The following SYNJ2BP variants were observed in gnomAD, a reference collection of about 807,000 sequenced individuals.
The protein encoded by SYNJ2BP is synaptojanin-2-binding protein.
SYNJ2BP carries 10 observed loss-of-function variants against 16.9 expected under a neutral mutation model. The observed-to-expected ratio is 0.59, with a 90% CI of 0.36 to 1.00. SYNJ2BP has a LOEUF of 1.00. SYNJ2BP is among the 50% of genes least tolerant of loss of function. SYNJ2BP has a pLI of 0.01. For missense variants in SYNJ2BP, 162 were observed against 186.7 expected, an observed-to-expected ratio of 0.87 and a Z score of 0.77; for synonymous variants, 54 against 68.4, an observed-to-expected ratio of 0.79 and a Z score of 1.04.
At chr14:70,381,443 T>C (rs1887748419) in intron 2 of SYNJ2BP, among the ~76,000 whole-genome samples, 1 of 152,196 alleles carries the variant, frequency 6.6e-6, no homozygotes, top group African/African-American at 2.4e-5. Context: ...CCCTAAAACA[T>C]GTCATGATTA....
chr14:70,389,373 CTTTTT>C (rs752623860), intron 1 of SYNJ2BP, among the ~76,000 whole-genome samples: 2 of 94,964 alleles, frequency 2.1e-5, no homozygotes, highest in African/African-American at 6.3e-5. Context: ...TTGAGAGTTT[CTTTTT>C]TTTTTTTTTT....
chr14:70,378,212 C>T (rs990561166), intron 2 of SYNJ2BP, among the ~76,000 whole-genome samples: 1 of 152,142 alleles, frequency 6.6e-6, no homozygotes, highest in African/African-American at 2.4e-5. Context: ...TTCTCTCCCA[C>T]TGTGAGCTTT....
At chr14:70,400,064 A>C (rs1421868829) in intron 1 of SYNJ2BP, among the ~76,000 whole-genome samples, 4 of 152,220 alleles carry the variant, frequency 2.6e-5, no homozygotes, top group Admixed American at 2.6e-4. Flanking sequence ...TTCCAAGCAA[A>C]AAGTCAAAAA....
intron 1 of SYNJ2BP, among the ~76,000 whole-genome samples, chr14:70,400,525 A>C (rs1284344146): frequency 1.3e-5 from 2 of 152,176 alleles, no homozygotes; most frequent in Admixed American, 6.5e-5. Context: ...AAAAAAAAAC[A>C]AACAATACCC....
At chr14:70,394,214 A>G (rs1015054045) in intron 1 of SYNJ2BP, among the ~76,000 whole-genome samples, 6 of 152,126 alleles carry the variant, frequency 3.9e-5, no homozygotes, top group African/African-American at 1.4e-4. Context: ...ACACACAAAT[A>G]TTAACTATTT....
chr14:70,385,650 G>A (rs1487905594), intron 2 of SYNJ2BP, among the ~76,000 whole-genome samples: 3 of 152,060 alleles, frequency 2.0e-5, no homozygotes, highest in African/African-American at 2.4e-5. Flanking sequence ...CAAAGTGCTG[G>A]GATTACAGGC....
At chr14:70,380,999 T>C (rs1349593493) in intron 2 of SYNJ2BP, among the ~76,000 whole-genome samples, 2 of 152,242 alleles carry the variant, frequency 1.3e-5, no homozygotes, top group African/African-American at 4.8e-5. Context: ...AAGAGAACTT[T>C]GTACACTTGA....
chr14:70,398,759 T>C (rs1463207552), intron 1 of SYNJ2BP, among the ~76,000 whole-genome samples: 1 of 152,148 alleles, frequency 6.6e-6, no homozygotes, highest in Non-Finnish European at 1.5e-5. Context: ...CAGCCAGCAC[T>C]AGCTGTGCCT....
In SYNJ2BP at chr14:70,396,409, G is replaced by A. The variant is rs8013275; in HGVS notation, c.65-7803C>T. On this transcript the variant is annotated intron_variant, in intron 1 of 3. Coordinates refer to ENST00000256366, the MANE Select transcript of SYNJ2BP (RefSeq NM_018373.3). ...TGGGATTACAGGCATGACCCACCGC[G>A]CCCGGTCCCTTCTTGCAATTCTTTT... Among the ~76,000 whole-genome samples, 392 of 152,160 alleles carry A rather than the reference G, an allele frequency of 2.6e-3. 4 individuals carry two copies. The highest frequency in any genetic ancestry group is 8.9e-3 in the African/African-American group (371 of 41,516).
In SYNJ2BP at chr14:70,388,574, G is replaced by T. The variant is rs575292923; in HGVS notation, c.97C>A (p.Gln33Lys). 17 of 1,579,080 alleles carry T rather than the reference G, an allele frequency of 1.1e-5. No individual in the cohort carries two copies. The highest frequency in any genetic ancestry group is 1.5e-5 in the Non-Finnish European group (17 of 1,163,426). Reference sequence around the variant, plus strand: ...CCACTGTCGTTGGAGACATACTGCTGATCTGTCCCACCGACGATGTTGAAG... The same window carrying T: ...CCACTGTCGTTGGAGACATACTGCTTATCTGTCCCACCGACGATGTTGAAG... ...LGFNIVGGTDQQYVSNDSGIY... is the reference protein window; with the variant it reads ...LGFNIVGGTDKQYVSNDSGIY... The change falls in exon 2 of 4, where the codon CAG becomes AAG. Residue 33 changes from glutamine to lysine, a missense_variant. Coordinates refer to ENST00000256366, the MANE Select transcript of SYNJ2BP (RefSeq NM_018373.3).
chr14:70,411,081 A>T (rs1888462643), intron 1 of SYNJ2BP, among the ~76,000 whole-genome samples: 2 of 152,322 alleles, frequency 1.3e-5, no homozygotes, highest in South Asian at 4.1e-4. Flanking sequence ...AAGTAGAAGG[A>T]GGAGACATAA....
chr14:70,401,508 T>C (rs1888235168), intron 1 of SYNJ2BP, among the ~76,000 whole-genome samples: 1 of 141,604 alleles, frequency 7.1e-6, no homozygotes, highest in Non-Finnish European at 1.5e-5. Context: ...TTTCCTCTCT[T>C]GGATCCTGGT....
At chr14:70,406,010 C>T (rs1203531501) in intron 1 of SYNJ2BP, among the ~76,000 whole-genome samples, 1 of 152,180 alleles carries the variant, frequency 6.6e-6, no homozygotes, top group African/African-American at 2.4e-5. Context: ...TTTCAACCTG[C>T]ATTATTTGAC....
chr14:70,375,699 C>CAGCAT lies in SYNJ2BP; in HGVS notation c.269_273dup (p.Val92MetfsTer5). The CAGCAT allele has an allele frequency of 1.2e-6, 2 of 1,614,120 alleles. No homozygotes were observed. Among genetic ancestry groups the CAGCAT allele is most frequent in the Non-Finnish European group, 1.7e-6 (2 of 1,179,986 alleles). On this transcript the variant is annotated frameshift_variant, in exon 3 of 4. Transcript: ENST00000256366. LOFTEE classifies it high-confidence loss of function. ...ACCCTGTGCTGCACTCTCAGAGACACAGCATAGCCTGCATTACGAAAGAGG... is the reference window on the plus strand; with the variant it reads ...ACCCTGTGCTGCACTCTCAGAGACACAGCATAGCATAGCCTGCATTACGAAAGAGG...
intron 1 of SYNJ2BP, among the ~76,000 whole-genome samples, chr14:70,391,121 A>T (rs913506496): frequency 2.6e-5 from 4 of 152,172 alleles, no homozygotes; most frequent in Admixed American, 1.3e-4. Flanking sequence ...TGAGACCCCC[A>T]TCTCAAAAAT....
rs745638892 is a variant in SYNJ2BP at position 70,416,940 on chromosome 14, C to G, written c.24G>C (p.Leu8Phe). The G allele has an allele frequency of 6.2e-6, 10 of 1,614,006 alleles. No individual in the cohort carries two copies. In the Admixed American group the frequency reaches 1.3e-4, roughly 22 times the overall value. ...TAAGATTGATCTCTTCCTCAGTGAC[C>G]AAATAATCCACTCTTCCGTTCATGT... MNGRVDYLVTEEEINLTR... is the reference protein window; with the variant it reads MNGRVDYFVTEEEINLTR... Residue 8 changes from leucine (L) to phenylalanine (F), a missense_variant, in exon 1 of 4, where the codon TTG becomes TTC. Coordinates refer to ENST00000256366, the MANE Select transcript of SYNJ2BP (RefSeq NM_018373.3).
At chr14:70,404,491 G>C (rs1220364919) in intron 1 of SYNJ2BP, among the ~76,000 whole-genome samples, 3 of 152,184 alleles carry the variant, frequency 2.0e-5, no homozygotes, top group Non-Finnish European at 4.4e-5. Context: ...TAAAATGTCT[G>C]AGTCATTTAC....
chr14:70,378,742 CA>C (rs1473761560), intron 2 of SYNJ2BP, among the ~76,000 whole-genome samples: 3 of 152,026 alleles, frequency 2.0e-5, no homozygotes, highest in Non-Finnish European at 4.4e-5. Flanking sequence ...ACACTAAAAA[CA>C]AAACAAAAAC....
intron 1 of SYNJ2BP, among the ~76,000 whole-genome samples, chr14:70,405,907 T>C (rs1382984547): frequency 6.6e-6 from 1 of 152,220 alleles, no homozygotes; most frequent in South Asian, 2.1e-4. Flanking sequence ...CTCCTTTCTA[T>C]TCAAGAGTAA....
Sources: allele counts gnomAD v4.1 joint callset (sites outside exome capture counted in the v4.1 genomes callset), GRCh38; gene constraint gnomAD v4.1.1; transcripts MANE v1.5; gene names NCBI Gene and HGNC (gene_info 2026-07-23, HGNC 2026-07-21).